Variants in EXOC4 observed in about 807,000 individuals in gnomAD.
EXOC4 encodes the protein SEC8-like 1.
In EXOC4, 71 loss-of-function variants were observed where a neutral mutation model predicts 107.2. The ratio of observed to expected loss-of-function variants is 0.66; its 90% confidence interval spans 0.55 to 0.81. The LOEUF (loss-of-function observed/expected upper bound fraction) is 0.81, where lower values mean the gene tolerates loss of function less well. Among genes scored for constraint, EXOC4 ranks in the 30% least tolerant of loss-of-function variants. EXOC4 has a pLI of 0.00. For missense variants in EXOC4, 1,108 were observed against 1,189.6 expected (o/e 0.93, Z 1.01); for synonymous variants, 456 against 441.2 (o/e 1.03, Z -0.42).
At chr7:133,576,650 T>G (rs777588940) in intron 9 of EXOC4, 1 of 1,289,474 alleles carries the variant, frequency 7.8e-7, no homozygotes, top group Non-Finnish European at 1.0e-6. Flanking sequence ...TCTCACTCAG[T>G]TGAAAAAGAA....
At chr7:133,923,571 T>C (rs1799986371) in intron 13 of EXOC4, among the ~76,000 whole-genome samples, 1 of 152,214 alleles carries the variant, frequency 6.6e-6, no homozygotes, top group Admixed American at 6.5e-5. Context: ...TTTTGTAACA[T>C]ATTTGTTCAA....
At chr7:133,836,055 A>G (rs1585186602) in intron 11 of EXOC4, among the ~76,000 whole-genome samples, 1 of 152,224 alleles carries the variant, frequency 6.6e-6, no homozygotes, top group Non-Finnish European at 1.5e-5. Flanking sequence ...TATTTCTTTC[A>G]GGTTCTGGAC....
At chr7:133,721,040 C>A (rs1435741307) in intron 10 of EXOC4, among the ~76,000 whole-genome samples, 1 of 152,134 alleles carries the variant, frequency 6.6e-6, no homozygotes, top group Non-Finnish European at 1.5e-5. Context: ...CTTGAATTTA[C>A]TACCTGTATC....
intron 7 of EXOC4, among the ~76,000 whole-genome samples, chr7:133,421,268 G>A (rs180775771): frequency 2.0e-5 from 3 of 152,250 alleles, no homozygotes; most frequent in Admixed American, 2.0e-4. Context: ...ACCAATAGTA[G>A]TGTGTATCCA....
At chr7:133,473,438 G>A (rs141597144) in intron 7 of EXOC4, among the ~76,000 whole-genome samples, 261 of 152,240 alleles carry the variant, frequency 1.7e-3, no homozygotes, top group Admixed American at 3.3e-3. Context: ...CTATAGACCT[G>A]TGCTTATTTG....
At chr7:133,577,767 T>C (rs1363195242) in intron 9 of EXOC4, among the ~76,000 whole-genome samples, 9 of 152,322 alleles carry the variant, frequency 5.9e-5, no homozygotes, top group East Asian at 1.9e-4. Flanking sequence ...GTAGGTCATA[T>C]ATGTAAAAAA....
intron 9 of EXOC4, among the ~76,000 whole-genome samples, chr7:133,536,638 C>T (rs1407526391): frequency 1.3e-5 from 2 of 151,608 alleles, no homozygotes; most frequent in African/African-American, 4.9e-5. Context: ...GTAGGTTTGG[C>T]TGTGAATAAC....
At chr7:133,713,363 C>T (rs745640015) in intron 10 of EXOC4, among the ~76,000 whole-genome samples, 15 of 152,040 alleles carry the variant, frequency 9.9e-5, no homozygotes, top group South Asian at 2.1e-4. Flanking sequence ...CTTTGACTTA[C>T]CAATTATTTT....
At chr7:133,772,027 G>A (rs1478847369) in intron 10 of EXOC4, among the ~76,000 whole-genome samples, 1 of 151,912 alleles carries the variant, frequency 6.6e-6, no homozygotes. Context: ...AGCAATCATA[G>A]GCTGTCATTT....
chr7:133,581,756 T>C (rs1486975985), intron 9 of EXOC4, among the ~76,000 whole-genome samples: 1 of 32,680 alleles, frequency 3.1e-5, no homozygotes, highest in Non-Finnish European at 5.4e-5. Flanking sequence ...AGACTCCGTC[T>C]CAAAAAAAAA....
chr7:133,640,930 G>A (rs964966494), intron 10 of EXOC4, among the ~76,000 whole-genome samples: 1 of 151,412 alleles, frequency 6.6e-6, no homozygotes, highest in African/African-American at 2.4e-5. Context: ...TGCAGTGGCT[G>A]TTCAGAGGTG....
intron 11 of EXOC4, among the ~76,000 whole-genome samples, chr7:133,879,550 T>C (rs752087855): frequency 4.1e-4 from 62 of 152,226 alleles, no homozygotes; most frequent in Non-Finnish European, 7.8e-4. Flanking sequence ...GACAATTTTG[T>C]TTTAATAGCC....
chr7:133,620,321 C>T (rs1802299872), intron 9 of EXOC4, among the ~76,000 whole-genome samples: 1 of 152,090 alleles, frequency 6.6e-6, no homozygotes, highest in Non-Finnish European at 1.5e-5. Flanking sequence ...GCCACCGGGC[C>T]CAGCCATTTT....
chr7:133,642,286 A>G (rs1054394401), intron 10 of EXOC4, among the ~76,000 whole-genome samples: 2 of 152,210 alleles, frequency 1.3e-5, no homozygotes, highest in African/African-American at 4.8e-5. Flanking sequence ...AAAATCTATG[A>G]TAAAGGAGTC....
intron 14 of EXOC4, among the ~76,000 whole-genome samples, chr7:133,965,079 A>G (rs1249147387): frequency 6.6e-6 from 1 of 152,192 alleles, no homozygotes. Context: ...TCTAATGACC[A>G]GTGATGATGA....
the EXOC4 span, among the ~76,000 whole-genome samples, chr7:134,073,890 G>A: frequency 2.0e-5 from 3 of 152,076 alleles, no homozygotes; most frequent in African/African-American, 4.8e-5. Flanking sequence ...CTCTTTCCCC[G>A]GGCTCCTTCT....
the EXOC4 span, among the ~76,000 whole-genome samples, chr7:134,091,675 CAAA>C: frequency 1.3e-5 from 2 of 152,128 alleles, no homozygotes; most frequent in South Asian, 4.1e-4. Flanking sequence ...ACTGACAAGA[CAAA>C]GAAGGCTTCC....
At position 134,028,160 on chromosome 7, in the gene EXOC4, A is replaced by G. The variant is rs139353806; in HGVS notation, c.2687+20325A>G. 1.2e-3 allele frequency among the ~76,000 whole-genome samples: 177 copies of G among 152,346 alleles called. No individual in the cohort carries two copies. In the Middle Eastern group the frequency reaches 0.031, roughly 26 times the overall value. On this transcript the variant is annotated intron_variant, in intron 17 of 17. Coordinates refer to ENST00000253861, the MANE Select transcript of EXOC4 (RefSeq NM_021807.4). ...TAAGAGTATCATGTTAACCCCATTA[A>G]CCATAATATCCACCTTCTCTAATAC...
chr7:134,064,631 T>A lies in EXOC4; in HGVS notation c.*103T>A. 1 of 763,904 alleles carries A rather than the reference T, an allele frequency of 1.3e-6. No homozygotes were observed. The highest frequency in any genetic ancestry group is 2.1e-6 in the Non-Finnish European group (1 of 485,860). The allele number at this position is 763,904 out of a possible 1,614,324, so 47.3% of individuals were successfully genotyped here. On this transcript the variant is annotated 3_prime_UTR_variant, in exon 18 of 18. Coordinates refer to ENST00000253861, the MANE Select transcript of EXOC4 (RefSeq NM_021807.4). Reference sequence around the variant, plus strand: ...CTGAGCTTAGTTTTCTCTACAGTGATACTTTAGTGGAGAGGAGGTGTAAGG... The same window carrying A: ...CTGAGCTTAGTTTTCTCTACAGTGAAACTTTAGTGGAGAGGAGGTGTAAGG...
Sources: allele counts gnomAD v4.1 joint callset (sites outside exome capture counted in the v4.1 genomes callset), GRCh38; gene constraint gnomAD v4.1.1; transcripts MANE v1.5; gene names NCBI Gene and HGNC (gene_info 2026-07-23, HGNC 2026-07-21).